Variants in ZBTB38 observed in about 807,000 individuals in gnomAD.
ZBTB38 encodes the protein zinc finger and BTB domain-containing protein 38.
In ZBTB38, 20 loss-of-function variants were observed where a neutral mutation model predicts 76.8. The observed-to-expected ratio is 0.26, with a 90% CI of 0.18 to 0.38. The LOEUF (loss-of-function observed/expected upper bound fraction) is 0.38, where lower values mean the gene tolerates loss of function less well. Ranked by LOEUF, ZBTB38 falls within the 10% of genes least tolerant of loss-of-function variation. The probability of loss-of-function intolerance (pLI) is 1.00; values close to 1 mark genes in which losing one functional copy is unlikely to be tolerated. For missense variants in ZBTB38, 1,082 were observed against 1,482.3 expected (o/e 0.73, Z 4.43); for synonymous variants, 504 against 544.2 (o/e 0.93, Z 1.03).
At chr3:141,422,163 C>T (rs1419576787) in intron 5 of ZBTB38, among the ~76,000 whole-genome samples, 1 of 152,224 alleles carries the variant, frequency 6.6e-6, no homozygotes, top group Non-Finnish European at 1.5e-5. Context: ...TGGGCAGGCT[C>T]AGCAATGCAG....
rs115533069 is a variant in ZBTB38, at chr3:141,382,880, G to A, written c.-172+1393G>A. On this transcript the variant is annotated intron_variant, in intron 3 of 5. Coordinates refer to ENST00000321464, the MANE Select transcript of ZBTB38 (RefSeq NM_001376113.1). ...CACAATAATAAGATTACTGACATCA[G>A]GGATGGAGTGTGGACGTAGGAGGAA... Among the ~76,000 whole-genome samples the A allele has an allele frequency of 2.6e-3, 400 of 152,322 alleles. 2 individuals are homozygous for A. Among genetic ancestry groups the A allele is most frequent in the African/African-American group, 9.4e-3 (389 of 41,566 alleles).
Position 141,446,217 on chromosome 3 carries a change from G to A in ZBTB38, c.*241G>A. 3.1e-6 allele frequency: 1 copy of A among 326,494 alleles called. No individual in the cohort carries two copies. The highest frequency in any genetic ancestry group is 5.5e-6 in the Non-Finnish European group (1 of 181,362). 20.2% of individuals were successfully genotyped at this position (326,494 alleles called of 1,614,324 possible). On this transcript the variant is annotated 3_prime_UTR_variant, in exon 6 of 6. Transcript: ENST00000321464. ...TCCTCCAATATCCCAAGTTTCTTGT[G>A]AAAGTTAATAAAATTCTTAGCTGTG...
upstream of ZBTB38, among the ~76,000 whole-genome samples, chr3:141,363,680 T>A (rs1217112660): frequency 4.6e-5 from 7 of 152,204 alleles, no homozygotes; most frequent in African/African-American, 9.6e-5. Flanking sequence ...AATAGTTTTT[T>A]AAATAAACTC....
chr3:141,440,049 C>T (rs1303255110), intron 5 of ZBTB38, among the ~76,000 whole-genome samples: 2 of 152,198 alleles, frequency 1.3e-5, no homozygotes, highest in Non-Finnish European at 2.9e-5. Flanking sequence ...CATTTCATTT[C>T]ATTCTAGTTT....
intron 2 of ZBTB38, among the ~76,000 whole-genome samples, chr3:141,371,964 T>A (rs751161787): frequency 1.3e-5 from 2 of 152,250 alleles, no homozygotes; most frequent in Non-Finnish European, 2.9e-5. Context: ...AGGTGCCTGG[T>A]ACCTAGTTCT....
At chr3:141,378,517 C>T (rs1346552667) in intron 2 of ZBTB38, among the ~76,000 whole-genome samples, 1 of 152,248 alleles carries the variant, frequency 6.6e-6, no homozygotes, top group Non-Finnish European at 1.5e-5. Flanking sequence ...AAAGTAGACA[C>T]TGTATAACTT....
chr3:141,340,927 A>AAAAAGAAAAG (rs752742012), intron 1 of ZBTB38, among the ~76,000 whole-genome samples: 3,782 of 102,078 alleles, frequency 0.037, 305 homozygotes, highest in African/African-American at 0.1. Flanking sequence ...AAGGAAAGGA[A>AAAAAGAAAAG]AAAAGAAAAG....
Position 141,435,830 on chromosome 3 carries a change from A to G in ZBTB38, c.1-6559A>G, listed in dbSNP as rs565431170. Reference sequence around the variant, plus strand: ...AGCTAAAATGCAAACTCAGGAAAATAATGACATTAAAGTCCGATGGCCAGT... The same window carrying G: ...AGCTAAAATGCAAACTCAGGAAAATGATGACATTAAAGTCCGATGGCCAGT... On this transcript the variant is annotated intron_variant, in intron 5 of 5. Coordinates refer to ENST00000321464, the MANE Select transcript of ZBTB38 (RefSeq NM_001376113.1). Among the ~76,000 whole-genome samples the G allele has an allele frequency of 1.5e-4, 23 of 152,268 alleles. 1 individual carries two copies. The South Asian group carries it at 4.6e-3, about 30-fold the overall frequency.
chr3:141,333,252 G>C (rs1156866504), intron 1 of ZBTB38, among the ~76,000 whole-genome samples: 1 of 152,172 alleles, frequency 6.6e-6, no homozygotes, highest in Non-Finnish European at 1.5e-5. Flanking sequence ...TAGGGGACTG[G>C]GGTTGGTGTG....
At position 141,443,690 on chromosome 3, in the gene ZBTB38, T is replaced by G; in HGVS notation, c.1302T>G (p.Ile434Met). The G allele has an allele frequency of 1.2e-6, 2 of 1,614,098 alleles. No individual in the cohort carries two copies. Among genetic ancestry groups the G allele is most frequent in the South Asian group, 1.1e-5 (1 of 91,088 alleles). The change falls in exon 6 of 6, where the codon ATT becomes ATG. Residue 434 changes from isoleucine to methionine, a missense_variant. Physicochemically the swap from Ile to Met is conservative, Grantham distance 10. Around this residue, in one of 8 missense-constraint regions of ZBTB38, gnomAD observed 324 missense variants for 359.1 expected, o/e 0.90. Transcript: ENST00000321464. The surrounding 1 kb of genome is among the most constrained non-coding windows in gnomAD (Gnocchi z 5.6). ...AACCTTTATTATCTGAAAATAGGAT[T>G]GGTGAATTTTCCAGTACCGGAAGTA... Reference protein sequence around the residue: ...GPEPLLSENRIGEFSSTGSTL... With the variant: ...GPEPLLSENRMGEFSSTGSTL...
chr3:141,415,330 A>C (rs2073739877), intron 5 of ZBTB38, among the ~76,000 whole-genome samples: 1 of 151,740 alleles, frequency 6.6e-6, no homozygotes, highest in Non-Finnish European at 1.5e-5. Flanking sequence ...TGTGGGCTGG[A>C]CTCTAGGGGG....
At chr3:141,329,993 G>GTA (rs960018424) in intron 1 of ZBTB38, among the ~76,000 whole-genome samples, 10 of 150,998 alleles carry the variant, frequency 6.6e-5, no homozygotes, top group African/African-American at 1.7e-4. Context: ...TACATATATT[G>GTA]TATATATATA....
Position 141,444,308 on chromosome 3 carries a change from C to T in ZBTB38, c.1920C>T (p.Asp640=), listed in dbSNP as rs776519656. Residue 640 remains aspartate (D), a synonymous_variant, in exon 6 of 6, where the codon GAC becomes GAT. Transcript: ENST00000321464. This position sits in a 1 kb window ranked among gnomAD's most constrained non-coding sequence, Gnocchi z 5.1. ...AIPLETSACQ[D]IPTSANVQNA... is the part of the protein sequence containing the mutation. The stretch of plus-strand genomic sequence containing the variant: ...CATTGGAAACATCTGCATGTCAGGA[C>T]ATACCCACTTCTGCCAATGTACAAA... 6 of 1,614,200 alleles carry T rather than the reference C, an allele frequency of 3.7e-6. 1 individual carries two copies. In the South Asian group the frequency reaches 6.6e-5, roughly 18 times the overall value.
chr3:141,378,560 T>C (rs1945735221), intron 2 of ZBTB38, among the ~76,000 whole-genome samples: 1 of 152,200 alleles, frequency 6.6e-6, no homozygotes, highest in Non-Finnish European at 1.5e-5. Context: ...ACAAAAAAGG[T>C]ATTAAAACTT....
intron 5 of ZBTB38, among the ~76,000 whole-genome samples, chr3:141,436,051 T>G (rs944594416): frequency 4.6e-5 from 7 of 152,208 alleles, no homozygotes; most frequent in African/African-American, 7.2e-5. Flanking sequence ...CTTATATTTC[T>G]TTTTCTGAAA....
chr3:141,433,687 T>C (rs2078109792), intron 5 of ZBTB38, among the ~76,000 whole-genome samples: 1 of 152,232 alleles, frequency 6.6e-6, no homozygotes, highest in Non-Finnish European at 1.5e-5. Context: ...GCAAATATTT[T>C]AAAGTCTGGC....
chr3:141,405,190 A>ATATT lies in ZBTB38; in HGVS notation c.-1+1160_-1+1163dup, dbSNP rs200201240. Among the ~76,000 whole-genome samples the ATATT allele has an allele frequency of 1.1e-4, 16 of 152,340 alleles. No homozygotes were observed. The East Asian group carries it at 3.1e-3, about 29-fold the overall frequency. On this transcript the variant is annotated intron_variant, in intron 5 of 5. Transcript: ENST00000321464. ...ACCAGACAGATTTGTTTTTACAATC[A>ATATT]TATTAGTCATTTCCAGTCTCTTAGC...
Position 141,443,385 on chromosome 3 carries a change from C to G in ZBTB38, c.997C>G (p.Pro333Ala). 1 of 1,614,230 alleles carries G rather than the reference C, an allele frequency of 6.2e-7. No individual in the cohort carries two copies. The highest frequency in any genetic ancestry group is 8.5e-7 in the Non-Finnish European group (1 of 1,180,042). The change falls in exon 6 of 6, where the codon CCA (proline) becomes GCA (alanine). Residue 333 changes from proline to alanine, a missense_variant. Coordinates refer to ENST00000321464, the MANE Select transcript of ZBTB38 (RefSeq NM_001376113.1). This position sits in a 1 kb window ranked among gnomAD's most constrained non-coding sequence, Gnocchi z 5.6. ...ENQSSDVPGP[P>A]AAEVPPLVYN... is the part of the protein sequence containing the mutation. ...TCAATCTTCTGATGTTCCCGGGCCG[C>G]CAGCCGCAGAGGTTCCACCTCTGGT...
At chr3:141,356,580 CA>C (rs1227157869) in intron 1 of ZBTB38, among the ~76,000 whole-genome samples, 3 of 152,142 alleles carry the variant, frequency 2.0e-5, no homozygotes, top group Non-Finnish European at 4.4e-5. Flanking sequence ...CACATTGACA[CA>C]ACCAAATACC....
Sources: gnomAD v4.1 joint callset for allele counts (sites outside exome capture counted in the v4.1 genomes callset) on GRCh38, gnomAD v4.1.1 for gene constraint, gnomAD v4.1.1 regional missense constraint, Gnocchi (gnomAD v3.1) non-coding constraint, MANE v1.5 for transcripts, NCBI Gene and HGNC (gene_info 2026-07-23, HGNC 2026-07-21) for gene names.